Variants in CNBD1 observed in about 807,000 individuals in gnomAD.
The protein encoded by CNBD1 is cyclic nucleotide binding domain containing 1.
Under a neutral mutation model 54.4 loss-of-function variants are expected in CNBD1, and 71 were observed. That is an observed-to-expected ratio of 1.30 (90% CI 1.08 to 1.59). The LOEUF (loss-of-function observed/expected upper bound fraction) is 1.59, where lower values mean the gene tolerates loss of function less well. Among genes scored for constraint, CNBD1 ranks in the 40% most tolerant of loss-of-function variants. The probability of loss-of-function intolerance (pLI) is 0.00; values close to 1 mark genes in which losing one functional copy is unlikely to be tolerated. For synonymous variants in CNBD1, 182 were observed against 170.7 expected, an observed-to-expected ratio of 1.07 and a Z score of -0.51; for missense variants, 659 against 518.0, an observed-to-expected ratio of 1.27 and a Z score of -2.64.
chr8:87,001,462 G>T (rs1044448728), intron 4 of CNBD1, among the ~76,000 whole-genome samples: 5 of 152,054 alleles, frequency 3.3e-5, no homozygotes, highest in Non-Finnish European at 2.9e-5. Context: ...CCATGTATGT[G>T]CATATCAGAT....
chr8:87,250,491 G>T (rs1269304430), intron 6 of CNBD1, among the ~76,000 whole-genome samples: 1 of 152,160 alleles, frequency 6.6e-6, no homozygotes, highest in African/African-American at 2.4e-5. Flanking sequence ...CAAAAGGAAT[G>T]AAATCAGTAT....
chr8:87,136,995 A>ATATATTTATATTCTATGTAAATTATAT (rs1563482709), intron 4 of CNBD1, among the ~76,000 whole-genome samples: 8 of 33,752 alleles, frequency 2.4e-4, no homozygotes, highest in South Asian at 6.3e-4. Flanking sequence ...TGTAAATTAT[A>ATATATTTATATTCTATGTAAATTATAT]TATATTTATA....
chr8:87,285,388 A>G (rs1050641710), intron 7 of CNBD1, among the ~76,000 whole-genome samples: 1 of 152,030 alleles, frequency 6.6e-6, no homozygotes, highest in Non-Finnish European at 1.5e-5. Flanking sequence ...TCAAATCCAA[A>G]TTTTTTCTTG....
intron 2 of CNBD1, among the ~76,000 whole-genome samples, chr8:87,390,317 C>A (rs1245082316): frequency 6.6e-6 from 1 of 152,106 alleles, no homozygotes; most frequent in Non-Finnish European, 1.5e-5. Flanking sequence ...AGGCAACCTA[C>A]AGTATGGGAA....
At chr8:87,149,954 T>C (rs1812567801) in intron 4 of CNBD1, among the ~76,000 whole-genome samples, 1 of 151,970 alleles carries the variant, frequency 6.6e-6, no homozygotes, top group South Asian at 2.1e-4. Context: ...GGAGGGCGGA[T>C]CATGAGGTCA....
chr8:87,396,604 A>G (rs1298321052), intron 2 of CNBD1, among the ~76,000 whole-genome samples: 1 of 151,760 alleles, frequency 6.6e-6, no homozygotes, highest in East Asian at 1.9e-4. Context: ...AATATTTCTT[A>G]TATATTTATT....
At chr8:86,966,248 C>A (rs1224464906) in intron 4 of CNBD1, among the ~76,000 whole-genome samples, 1 of 152,158 alleles carries the variant, frequency 6.6e-6, no homozygotes, top group Admixed American at 6.5e-5. Context: ...AGGGGCCAGG[C>A]CAGGAATTAA....
intron 8 of CNBD1, among the ~76,000 whole-genome samples, chr8:87,305,796 A>G (rs950601294): frequency 6.6e-6 from 1 of 152,220 alleles, no homozygotes; most frequent in Non-Finnish European, 1.5e-5. Context: ...TGAAACTATA[A>G]AAATTCTAGA....
intron 4 of CNBD1, among the ~76,000 whole-genome samples, chr8:87,049,596 G>T (rs1810271696): frequency 6.6e-6 from 1 of 152,184 alleles, no homozygotes; most frequent in South Asian, 2.1e-4. Flanking sequence ...TTCTAGGGGA[G>T]TTTCTCTGAG....
At chr8:87,280,581 T>C (rs1364947951) in intron 6 of CNBD1, among the ~76,000 whole-genome samples, 1 of 151,568 alleles carries the variant, frequency 6.6e-6, no homozygotes, top group Non-Finnish European at 1.5e-5. Context: ...ATTTTACTTA[T>C]GGATCTTATT....
At chr8:87,026,442 G>A (rs533246095) in intron 4 of CNBD1, among the ~76,000 whole-genome samples, 35 of 148,842 alleles carry the variant, frequency 2.4e-4, no homozygotes, top group African/African-American at 8.6e-4. Context: ...GTTACTTTGA[G>A]GGAAAAATGT....
At chr8:86,890,269 G>C (rs190719862) in intron 2 of CNBD1, among the ~76,000 whole-genome samples, 1 of 152,094 alleles carries the variant, frequency 6.6e-6, no homozygotes, top group East Asian at 1.9e-4. Flanking sequence ...CTGGCTCCTA[G>C]TAACCACCAT....
At position 87,363,968 on chromosome 8, in the gene CNBD1, G is replaced by GT. The variant is rs34647090; in HGVS notation, c.1303+10195dup. Among the ~76,000 whole-genome samples the GT allele has an allele frequency of 2.3e-3, 326 of 144,682 alleles. 2 individuals are homozygous for GT. Among genetic ancestry groups the GT allele is most frequent in the South Asian group, 8.8e-3 (40 of 4,562 alleles). 94.9% of individuals were successfully genotyped at this position (144,682 alleles called of 152,430 possible). A position where few individuals can be genotyped will look rare whatever the true frequency, so the allele number is the denominator to read the frequency against. ...GAATGGTATTGCCTAGGAAATTTTGGTTTTTTTTTTTTTAAACGAATGAAA... is the reference window on the plus strand; with the variant it reads ...GAATGGTATTGCCTAGGAAATTTTGGTTTTTTTTTTTTTTAAACGAATGAAA... On this transcript the variant is annotated intron_variant, in intron 10 of 10. Coordinates refer to ENST00000518476, the MANE Select transcript of CNBD1 (RefSeq NM_173538.3).
At chr8:86,999,018 C>A (rs1423833156) in intron 4 of CNBD1, among the ~76,000 whole-genome samples, 1 of 152,208 alleles carries the variant, frequency 6.6e-6, no homozygotes, top group Non-Finnish European at 1.5e-5. Context: ...GGACTTTGGT[C>A]AATTGTAATC....
intron 2 of CNBD1, among the ~76,000 whole-genome samples, chr8:87,409,277 C>A (rs972502220): frequency 1.3e-5 from 2 of 152,068 alleles, no homozygotes; most frequent in African/African-American, 4.8e-5. Context: ...AATAGAAGAT[C>A]AAATAAGCCA....
chr8:87,265,158 G>A (rs567366339), intron 6 of CNBD1, among the ~76,000 whole-genome samples: 136 of 152,066 alleles, frequency 8.9e-4, no homozygotes, highest in African/African-American at 3.0e-3. Context: ...TCTTTAATCC[G>A]TCTTGAATTA....
intron 4 of CNBD1, among the ~76,000 whole-genome samples, chr8:87,156,750 G>A (rs1209970615): frequency 6.6e-6 from 1 of 152,002 alleles, no homozygotes; most frequent in East Asian, 1.9e-4. Context: ...AAACCACAGG[G>A]CTCTCATTCT....
chr8:87,030,475 G>A (rs1170983542), intron 4 of CNBD1, among the ~76,000 whole-genome samples: 1 of 152,068 alleles, frequency 6.6e-6, no homozygotes, highest in Non-Finnish European at 1.5e-5. Context: ...AAGACATTCT[G>A]TCCAAGTATT....
intron 6 of CNBD1, among the ~76,000 whole-genome samples, chr8:87,267,343 C>G (rs1808280546): frequency 6.6e-6 from 1 of 151,962 alleles, no homozygotes; most frequent in African/African-American, 2.4e-5. Flanking sequence ...AATATTATTT[C>G]TTACACCAAA....
Sources: allele counts gnomAD v4.1 joint callset (sites outside exome capture counted in the v4.1 genomes callset), GRCh38; gene constraint gnomAD v4.1.1; transcripts MANE v1.5; gene names NCBI Gene and HGNC (gene_info 2026-07-23, HGNC 2026-07-21).